Variants in ANO4 observed in about 807,000 individuals in gnomAD.
The protein encoded by ANO4 is anoctamin 4.
Under a neutral mutation model 141.9 loss-of-function variants are expected in ANO4, and 69 were observed. That is an observed-to-expected ratio of 0.49 (90% CI 0.40 to 0.59). The LOEUF (loss-of-function observed/expected upper bound fraction) is 0.59, where lower values mean the gene tolerates loss of function less well. ANO4 is among the 20% of genes least tolerant of loss of function. The pLI, the probability that ANO4 is intolerant of heterozygous loss-of-function variation, is 0.00. For missense variants in ANO4, 894 were observed against 1,162.2 expected (o/e 0.77, Z 3.36); for synonymous variants, 350 against 394.3 (o/e 0.89, Z 1.33).
rs547986059 is a variant in ANO4, at chr12:100,919,397, T to C, written c.56-2829T>C. On this transcript the variant is annotated intron_variant, in intron 2 of 27. Coordinates refer to ENST00000392977, the MANE Select transcript of ANO4 (RefSeq NM_001286615.2). ...TACAGAGAGACCATTTTTTATCTTT[T>C]ATACTCGATTTTTACTGTACCCTTT... is the stretch of plus-strand genomic sequence containing the variant. Among the ~76,000 whole-genome samples, 7 of 152,264 alleles carry C rather than the reference T, an allele frequency of 4.6e-5. No individual in the cohort carries two copies. In the East Asian group the frequency reaches 1.4e-3, roughly 29 times the overall value.
chr12:100,862,166 A>G (rs1254606145), intron 1 of ANO4, among the ~76,000 whole-genome samples: 1 of 152,092 alleles, frequency 6.6e-6, no homozygotes, highest in African/African-American at 2.4e-5. Context: ...GGCTCAAGCG[A>G]TCCTCTCACC....
intron 2 of ANO4, among the ~76,000 whole-genome samples, chr12:100,737,356 A>G (rs2031662053): frequency 6.6e-6 from 1 of 152,176 alleles, no homozygotes; most frequent in South Asian, 2.1e-4. Context: ...TGCCCTCCTC[A>G]GGCCATTGCT....
intron 8 of ANO4, among the ~76,000 whole-genome samples, chr12:101,019,142 G>C (rs975912123): frequency 6.6e-5 from 10 of 152,136 alleles, no homozygotes; most frequent in Admixed American, 6.5e-4. Context: ...ATATGCCTTT[G>C]CATGATGTCC....
chr12:100,986,639 A>T (rs1007259412), intron 7 of ANO4, among the ~76,000 whole-genome samples: 3 of 152,220 alleles, frequency 2.0e-5, no homozygotes, highest in African/African-American at 7.2e-5. Context: ...AAAATAAAGC[A>T]TGACCAAATT....
intron 1 of ANO4, among the ~76,000 whole-genome samples, chr12:100,849,465 T>G (rs976115050): frequency 2.6e-5 from 4 of 152,198 alleles, no homozygotes; most frequent in African/African-American, 9.7e-5. Flanking sequence ...TTTTATACCT[T>G]TCACAAGACG....
At chr12:100,831,745 T>C (rs900280848) in intron 1 of ANO4, among the ~76,000 whole-genome samples, 2 of 152,096 alleles carry the variant, frequency 1.3e-5, no homozygotes, top group African/African-American at 2.4e-5. Flanking sequence ...TCAGAAAACA[T>C]GGGTTTTGCA....
chr12:100,747,116 T>C (rs998862998), intron 3 of ANO4, among the ~76,000 whole-genome samples: 2 of 152,186 alleles, frequency 1.3e-5, no homozygotes, highest in African/African-American at 2.4e-5. Flanking sequence ...TTGCCAAATA[T>C]ATGTTTGCAG....
At chr12:100,984,471 C>A (rs2044621460) in intron 7 of ANO4, among the ~76,000 whole-genome samples, 1 of 152,148 alleles carries the variant, frequency 6.6e-6, no homozygotes, top group African/African-American at 2.4e-5. Context: ...CCTGTGTGGT[C>A]CTTAAGAAAT....
intron 1 of ANO4, among the ~76,000 whole-genome samples, chr12:100,819,611 TG>T (rs368939967): frequency 6.6e-6 from 1 of 152,094 alleles, no homozygotes; most frequent in African/African-American, 2.4e-5. Context: ...AAATTCTTGG[TG>T]GTAATTAGTG....
chr12:100,934,512 G>A (rs1228140209), intron 3 of ANO4, among the ~76,000 whole-genome samples: 2 of 152,152 alleles, frequency 1.3e-5, no homozygotes, highest in Admixed American at 6.5e-5. Flanking sequence ...ATAGTTTGAA[G>A]TCAGGTAGCA....
chr12:101,075,160 A>T (rs1408771789), intron 14 of ANO4, among the ~76,000 whole-genome samples: 1 of 152,154 alleles, frequency 6.6e-6, no homozygotes, highest in Non-Finnish European at 1.5e-5. Flanking sequence ...AGTTGACCAG[A>T]TGGACCCAAA....
intron 10 of ANO4, among the ~76,000 whole-genome samples, chr12:101,037,408 G>C (rs2136596793): frequency 6.6e-6 from 1 of 152,276 alleles, no homozygotes; most frequent in South Asian, 2.1e-4. Flanking sequence ...ATGGCTTAGA[G>C]ACTTTAAGTC....
intron 1 of ANO4, among the ~76,000 whole-genome samples, chr12:100,869,405 T>C (rs2038923627): frequency 6.6e-6 from 1 of 152,186 alleles, no homozygotes; most frequent in African/African-American, 2.4e-5. Flanking sequence ...CAGCAGGTTA[T>C]TATGCATGGA....
At chr12:100,974,216 A>AG (rs1343558262) in intron 6 of ANO4, among the ~76,000 whole-genome samples, 1 of 152,164 alleles carries the variant, frequency 6.6e-6, no homozygotes, top group African/African-American at 2.4e-5. Context: ...TATAGTTTCC[A>AG]GAATTCCTTG....
chr12:100,918,484 T>A (rs2136090469), intron 2 of ANO4, among the ~76,000 whole-genome samples: 1 of 152,340 alleles, frequency 6.6e-6, no homozygotes, highest in African/African-American at 2.4e-5. Flanking sequence ...GTATGTTTTT[T>A]AATATGCAGT....
chr12:100,884,112 T>G (rs1399396642), intron 1 of ANO4, among the ~76,000 whole-genome samples: 1 of 152,224 alleles, frequency 6.6e-6, no homozygotes, highest in Admixed American at 6.5e-5. Context: ...CATTTCAAAG[T>G]TCATGCAATT....
rs114137492 is a variant in ANO4, at chr12:100,720,838, A to T, written c.22+3291A>T. On this transcript the variant is annotated intron_variant, in intron 1 of 29. Transcript: ENST00000644049. Reference sequence around the variant, plus strand: ...AATGGCACTTTATGTGAATTAGCTCAGTTAATCTTCACAGCAACTTTTAAG... The same window carrying T: ...AATGGCACTTTATGTGAATTAGCTCTGTTAATCTTCACAGCAACTTTTAAG... Among the ~76,000 whole-genome samples the T allele has an allele frequency of 2.6e-3, 398 of 152,346 alleles. 1 individual carries two copies. Among genetic ancestry groups the T allele is most frequent in the African/African-American group, 9.1e-3 (377 of 41,582 alleles).
chr12:100,723,610 TA>T (rs2030965140), intron 1 of ANO4, among the ~76,000 whole-genome samples: 1 of 152,252 alleles, frequency 6.6e-6, no homozygotes, highest in African/African-American at 2.4e-5. Context: ...AAACGTGGAC[TA>T]AATCAACACA....
chr12:100,956,168 AC>A (rs1254841920), intron 5 of ANO4, among the ~76,000 whole-genome samples: 1 of 152,148 alleles, frequency 6.6e-6, no homozygotes, highest in Non-Finnish European at 1.5e-5. Context: ...AATCCATCAC[AC>A]TGTACTTATA....
Sources: gnomAD v4.1 joint callset for allele counts (sites outside exome capture counted in the v4.1 genomes callset) on GRCh38, gnomAD v4.1.1 for gene constraint, MANE v1.5 for transcripts, NCBI Gene and HGNC (gene_info 2026-07-23, HGNC 2026-07-21) for gene names.